Variants in HPSE2 observed in about 807,000 individuals in gnomAD.
HPSE2 encodes the protein inactive heparanase-2.
In HPSE2, 38 loss-of-function variants were observed where a neutral mutation model predicts 60.5. That is an observed-to-expected ratio of 0.63 (90% confidence interval 0.48 to 0.82). The LOEUF is 0.82. Ranked by LOEUF, HPSE2 falls within the 40% of genes least tolerant of loss-of-function variation. The pLI, the probability that HPSE2 is intolerant of heterozygous loss-of-function variation, is 0.00. For synonymous variants in HPSE2, 295 were observed against 293.2 expected (o/e 1.01, Z -0.06); for missense variants, 713 against 740.4 (o/e 0.96, Z 0.43).
the HPSE2 span, among the ~76,000 whole-genome samples, chr10:99,305,437 G>A: frequency 7.9e-5 from 12 of 152,260 alleles, no homozygotes; most frequent in African/African-American, 2.9e-4. Flanking sequence ...CTAAATAAGT[G>A]CATAAACTGG....
At chr10:98,470,674 G>C (rs1940742339) in intron 11 of HPSE2, among the ~76,000 whole-genome samples, 1 of 152,216 alleles carries the variant, frequency 6.6e-6, no homozygotes, top group South Asian at 2.1e-4. Context: ...TCTCACTTTA[G>C]AATCAACTGT....
At chr10:98,638,126 G>A (rs1380924812) in intron 7 of HPSE2, among the ~76,000 whole-genome samples, 30 of 104,802 alleles carry the variant, frequency 2.9e-4, no homozygotes, top group African/African-American at 1.1e-3. Flanking sequence ...GTGACAAAGT[G>A]AGACCCATCT....
chr10:98,917,774 G>A lies in HPSE2; in HGVS notation c.611-173718C>T, dbSNP rs150772200. ...TGAATGAATGAAGGAACAAATAAAC[G>A]TTTAGTAACACTTGTACAGGAGAAA... is the stretch of plus-strand genomic sequence containing the variant. On this transcript the variant is annotated intron_variant, in intron 3 of 11. Transcript: ENST00000370552. Among the ~76,000 whole-genome samples the A allele has an allele frequency of 1.8e-3, 269 of 152,220 alleles. 1 individual carries two copies. Among genetic ancestry groups the A allele is most frequent in the African/African-American group, 6.4e-3 (264 of 41,542 alleles).
At chr10:98,672,355 CTCTA>C (rs1947528484) in intron 6 of HPSE2, among the ~76,000 whole-genome samples, 1 of 152,192 alleles carries the variant, frequency 6.6e-6, no homozygotes, top group Non-Finnish European at 1.5e-5. Context: ...AGCCATGCAA[CTCTA>C]GACAATAACG....
At chr10:99,060,598 A>G (rs990216474) in intron 3 of HPSE2, among the ~76,000 whole-genome samples, 1 of 133,014 alleles carries the variant, frequency 7.5e-6, no homozygotes, top group African/African-American at 2.7e-5. Context: ...GCAGAGGTTG[A>G]GGTAAGCTGA....
At chr10:99,255,278 T>C in the HPSE2 span, among the ~76,000 whole-genome samples, 1 of 152,280 alleles carries the variant, frequency 6.6e-6, no homozygotes, top group East Asian at 1.9e-4. Context: ...TACTGGTGAA[T>C]TCTAACAAAC....
At chr10:98,917,092 T>A (rs916098426) in intron 3 of HPSE2, among the ~76,000 whole-genome samples, 2 of 152,172 alleles carry the variant, frequency 1.3e-5, no homozygotes, top group African/African-American at 4.8e-5. Context: ...CTTGCTTTTT[T>A]GTTGGGGGTG....
chr10:98,946,758 C>A lies in HPSE2; in HGVS notation c.610+197480G>T, dbSNP rs561283023. Among the ~76,000 whole-genome samples the A allele has an allele frequency of 2.6e-5, 4 of 152,120 alleles. No homozygotes were observed. The East Asian group carries it at 7.7e-4, about 29-fold the overall frequency. ...ACAAATGTAAAGAGGCAGTATTAAGCCATAACTACATAAAATTAACTAGTA... is the reference window on the plus strand; with the variant it reads ...ACAAATGTAAAGAGGCAGTATTAAGACATAACTACATAAAATTAACTAGTA... On this transcript the variant is annotated intron_variant, in intron 3 of 11. Coordinates refer to ENST00000370552, the MANE Select transcript of HPSE2 (RefSeq NM_021828.5).
chr10:98,475,879 T>C (rs2133622428), intron 11 of HPSE2, among the ~76,000 whole-genome samples: 1 of 152,284 alleles, frequency 6.6e-6, no homozygotes, highest in South Asian at 2.1e-4. Context: ...TTGGTGGGAC[T>C]GTAAACTAGT....
intron 2 of HPSE2, among the ~76,000 whole-genome samples, chr10:99,222,909 T>C (rs73337496): frequency 0.028 from 4,305 of 152,318 alleles, 202 homozygotes; most frequent in African/African-American, 0.098. Flanking sequence ...TGGGAAGGCA[T>C]ATGGCACACA....
At chr10:99,258,206 C>T in the HPSE2 span, among the ~76,000 whole-genome samples, 108 of 151,426 alleles carry the variant, frequency 7.1e-4, no homozygotes, top group African/African-American at 2.5e-3. Flanking sequence ...TATGTATTAG[C>T]GACAAATAAT....
the HPSE2 span, among the ~76,000 whole-genome samples, chr10:99,264,152 A>G: frequency 9.4e-6 from 1 of 106,782 alleles, no homozygotes; most frequent in African/African-American, 2.6e-5. Context: ...TGGTGGCGCT[A>G]TCTCGGTTCA....
chr10:98,837,852 C>T (rs1028124033), intron 3 of HPSE2, among the ~76,000 whole-genome samples: 7 of 148,522 alleles, frequency 4.7e-5, no homozygotes, highest in South Asian at 2.2e-4. Flanking sequence ...CCAGCCTGGG[C>T]GACAGAGCGA....
intron 3 of HPSE2, among the ~76,000 whole-genome samples, chr10:99,020,122 T>C (rs1957229916): frequency 6.6e-6 from 1 of 152,192 alleles, no homozygotes; most frequent in South Asian, 2.1e-4. Flanking sequence ...ATCAGATTCA[T>C]TTCTTCAGTC....
the HPSE2 span, among the ~76,000 whole-genome samples, chr10:99,262,736 T>A: frequency 1.3e-5 from 2 of 152,172 alleles, no homozygotes; most frequent in Non-Finnish European, 2.9e-5. Context: ...CTGTGCCTTA[T>A]CAACCAAGTT....
intron 9 of HPSE2, among the ~76,000 whole-genome samples, chr10:98,500,774 T>A (rs1035040829): frequency 6.6e-6 from 1 of 151,740 alleles, no homozygotes; most frequent in African/African-American, 2.4e-5. Flanking sequence ...TGATAGACCA[T>A]TAGCAAGAAT....
At chr10:98,769,894 T>A (rs1950204852) in intron 3 of HPSE2, among the ~76,000 whole-genome samples, 2 of 152,308 alleles carry the variant, frequency 1.3e-5, no homozygotes, top group South Asian at 4.1e-4. Context: ...ATTGATCACA[T>A]ACAAAAGCCA....
intron 4 of HPSE2, among the ~76,000 whole-genome samples, chr10:98,726,291 A>G (rs1222319303): frequency 1.3e-5 from 2 of 152,138 alleles, no homozygotes; most frequent in Non-Finnish European, 2.9e-5. Context: ...TACACCATGG[A>G]ATACTATGCA....
chr10:99,064,848 A>G (rs2135532178), intron 3 of HPSE2, among the ~76,000 whole-genome samples: 1 of 152,192 alleles, frequency 6.6e-6, no homozygotes, highest in Non-Finnish European at 1.5e-5. Flanking sequence ...CAAGCTTCCT[A>G]TGCTTGACAT....
Sources: allele counts gnomAD v4.1 joint callset (sites outside exome capture counted in the v4.1 genomes callset), GRCh38; gene constraint gnomAD v4.1.1; transcripts MANE v1.5; gene names NCBI Gene and HGNC (gene_info 2026-07-23, HGNC 2026-07-21).